AUTS2: variants seen among roughly 807,000 people sequenced by gnomAD.
AUTS2 encodes the protein activator of transcription and developmental regulator AUTS2.
Under a neutral mutation model 112.4 loss-of-function variants are expected in AUTS2, and 17 were observed. The ratio of observed to expected loss-of-function variants is 0.15; its 90% CI spans 0.10 to 0.23. The LOEUF is 0.23. Among genes scored for constraint, AUTS2 ranks in the 10% least tolerant of loss-of-function variants. The probability of loss-of-function intolerance (pLI) is 1.00; values close to 1 mark genes in which losing one functional copy is unlikely to be tolerated. For missense variants in AUTS2, 1,510 were observed against 1,701.6 expected (o/e 0.89, Z 1.98); for synonymous variants, 751 against 702.7 (o/e 1.07, Z -1.09).
chr7:69,802,882 A>G (rs946797387), intron 1 of AUTS2, among the ~76,000 whole-genome samples: 1 of 152,192 alleles, frequency 6.6e-6, no homozygotes, highest in Non-Finnish European at 1.5e-5. Context: ...AGATCTTTGT[A>G]CAGAATACTG....
At chr7:70,262,372 T>C (rs1399618715) in intron 4 of AUTS2, among the ~76,000 whole-genome samples, 1 of 152,142 alleles carries the variant, frequency 6.6e-6, no homozygotes, top group Non-Finnish European at 1.5e-5. Flanking sequence ...GTATTTTTAC[T>C]AGAGACGAGG....
At chr7:70,460,786 G>A (rs1796932389) in intron 5 of AUTS2, among the ~76,000 whole-genome samples, 1 of 152,154 alleles carries the variant, frequency 6.6e-6, no homozygotes, top group African/African-American at 2.4e-5. Context: ...AGGTATCACT[G>A]GAAGTGTTCT....
chr7:70,111,802 G>C (rs1308946877), intron 2 of AUTS2, among the ~76,000 whole-genome samples: 1 of 152,008 alleles, frequency 6.6e-6, no homozygotes, highest in Non-Finnish European at 1.5e-5. Context: ...TTATGGTTTT[G>C]AAAGTATCAC....
chr7:70,483,039 T>TG (rs1233920426), intron 5 of AUTS2, among the ~76,000 whole-genome samples: 5 of 152,214 alleles, frequency 3.3e-5, no homozygotes, highest in Middle Eastern at 3.4e-3. Flanking sequence ...CTTCTTTGTG[T>TG]GGGGGGTTGG....
intron 5 of AUTS2, among the ~76,000 whole-genome samples, chr7:70,663,643 C>A (rs1807188265): frequency 6.6e-6 from 1 of 151,900 alleles, no homozygotes; most frequent in African/African-American, 2.4e-5. Context: ...TCAGAATTGA[C>A]ACTTAGCACC....
chr7:70,368,845 C>T (rs1792706692), intron 4 of AUTS2, among the ~76,000 whole-genome samples: 1 of 152,000 alleles, frequency 6.6e-6, no homozygotes, highest in East Asian at 1.9e-4. Flanking sequence ...AAGGAGGCAG[C>T]AAAAATATGA....
intron 1 of AUTS2, among the ~76,000 whole-genome samples, chr7:69,871,331 C>G (rs1201625612): frequency 2.0e-5 from 3 of 152,200 alleles, no homozygotes; most frequent in Non-Finnish European, 1.5e-5. Context: ...GGTTGTCTGT[C>G]TTTCCTCTGG....
At chr7:70,743,479 A>C (rs1475726371) in intron 6 of AUTS2, among the ~76,000 whole-genome samples, 1 of 151,608 alleles carries the variant, frequency 6.6e-6, no homozygotes, top group African/African-American at 2.4e-5. Flanking sequence ...AAAAAAAAAA[A>C]AAAAAAAAAA....
At chr7:69,648,122 A>G (rs1426257960) in intron 1 of AUTS2, among the ~76,000 whole-genome samples, 3 of 152,198 alleles carry the variant, frequency 2.0e-5, no homozygotes, top group Non-Finnish European at 2.9e-5. Flanking sequence ...AACCCATAAC[A>G]GAGTTCTACT....
chr7:70,412,289 C>A (rs1236251073), intron 4 of AUTS2, among the ~76,000 whole-genome samples: 1 of 151,926 alleles, frequency 6.6e-6, no homozygotes, highest in Non-Finnish European at 1.5e-5. Context: ...GGGAGCAGAC[C>A]AGGGTAGAAG....
chr7:70,591,816 T>G (rs911588464), intron 5 of AUTS2, among the ~76,000 whole-genome samples: 27 of 152,332 alleles, frequency 1.8e-4, no homozygotes, highest in African/African-American at 6.3e-4. Context: ...CACCCTGATC[T>G]GGCTGTGAGC....
chr7:70,282,609 C>A (rs1409968568), intron 4 of AUTS2, among the ~76,000 whole-genome samples: 1 of 152,172 alleles, frequency 6.6e-6, no homozygotes, highest in African/African-American at 2.4e-5. Flanking sequence ...GGCCCACCTC[C>A]TAATACCATC....
At chr7:70,738,426 T>TG (rs1787900487) in intron 6 of AUTS2, among the ~76,000 whole-genome samples, 2 of 151,684 alleles carry the variant, frequency 1.3e-5, no homozygotes, top group African/African-American at 2.4e-5. Context: ...TTGTTTTTTT[T>TG]TTTTTTACTT....
At chr7:69,928,940 A>G (rs1264260462) in intron 2 of AUTS2, among the ~76,000 whole-genome samples, 1 of 152,198 alleles carries the variant, frequency 6.6e-6, no homozygotes, top group African/African-American at 2.4e-5. Context: ...CACCATTGCC[A>G]CCATCAATGT....
chr7:69,798,262 C>T (rs1318052890), intron 1 of AUTS2, among the ~76,000 whole-genome samples: 2 of 152,122 alleles, frequency 1.3e-5, no homozygotes, highest in Non-Finnish European at 1.5e-5. Context: ...ACATGTGGAT[C>T]ACCCCTTTAC....
chr7:70,250,710 G>A (rs1786545993), intron 4 of AUTS2, among the ~76,000 whole-genome samples: 1 of 152,108 alleles, frequency 6.6e-6, no homozygotes, highest in African/African-American at 2.4e-5. Context: ...CATACCCTTT[G>A]CAGCAACATT....
At chr7:69,643,483 C>G (rs577283424) in intron 1 of AUTS2, 1 of 152,042 alleles carries the variant, frequency 6.6e-6, no homozygotes, top group Non-Finnish European at 1.5e-5. Context: ...ATACTAAAGC[C>G]TCAATAAACA....
chr7:69,692,860 G>C (rs1244270405), intron 1 of AUTS2, among the ~76,000 whole-genome samples: 2 of 152,192 alleles, frequency 1.3e-5, no homozygotes, highest in East Asian at 1.9e-4. Context: ...CATGAAAAAT[G>C]TAACAGGCTT....
intron 5 of AUTS2, among the ~76,000 whole-genome samples, chr7:70,440,845 G>C (rs1037702931): frequency 6.6e-6 from 1 of 152,124 alleles, no homozygotes; most frequent in African/African-American, 2.4e-5. Flanking sequence ...AAACACTGTC[G>C]GTTCCCAGAA....
Sources: gnomAD v4.1 joint callset for allele counts (sites outside exome capture counted in the v4.1 genomes callset) on GRCh38, gnomAD v4.1.1 for gene constraint, MANE v1.5 for transcripts, NCBI Gene and HGNC (gene_info 2026-07-23, HGNC 2026-07-21) for gene names.